The following GPC5 variants were observed in gnomAD, a reference collection of about 807,000 sequenced individuals.
GPC5 encodes the protein glypican-5.
A neutral mutation model predicts 53.9 loss-of-function variants in GPC5; 47 were observed. That is an observed-to-expected ratio of 0.87 (90% CI 0.69 to 1.11). The LOEUF is 1.11. Among genes scored for constraint, GPC5 ranks in the 50% most tolerant of loss-of-function variants. The pLI, the probability that GPC5 is intolerant of heterozygous loss-of-function variation, is 0.00. For synonymous variants in GPC5, 286 were observed against 263.3 expected (o/e 1.09, Z -0.84); for missense variants, 748 against 713.1 (o/e 1.05, Z -0.56).
At chr13:92,388,387 G>A (rs1874841177) in intron 7 of GPC5, among the ~76,000 whole-genome samples, 1 of 151,968 alleles carries the variant, frequency 6.6e-6, no homozygotes, top group South Asian at 2.1e-4. Context: ...CATTTAACTG[G>A]AAAGATAGAC....
chr13:92,846,364 T>C (rs1878611997), intron 7 of GPC5, among the ~76,000 whole-genome samples: 1 of 152,186 alleles, frequency 6.6e-6, no homozygotes, highest in South Asian at 2.1e-4. Context: ...AGCCAAACTA[T>C]ATAATCATAT....
intron 6 of GPC5, among the ~76,000 whole-genome samples, chr13:92,038,780 G>A (rs780069822): frequency 1.3e-5 from 2 of 151,904 alleles, no homozygotes; most frequent in Non-Finnish European, 2.9e-5. Flanking sequence ...GAAAAAGAAT[G>A]GGTTACCAAA....
At chr13:91,430,244 C>G (rs1274254055) in intron 1 of GPC5, among the ~76,000 whole-genome samples, 2 of 152,076 alleles carry the variant, frequency 1.3e-5, no homozygotes, top group Non-Finnish European at 2.9e-5. Context: ...TAAGGAGATG[C>G]CATGAGATTT....
At chr13:92,016,072 CAAT>C (rs66650001) in intron 6 of GPC5, among the ~76,000 whole-genome samples, 59,863 of 151,762 alleles carry the variant, frequency 0.39, 13,738 homozygotes, top group East Asian at 0.75. Context: ...TCTGCAGTGG[CAAT>C]AATTAGTACA....
At chr13:92,155,801 A>G (rs1367180349) in intron 7 of GPC5, among the ~76,000 whole-genome samples, 1 of 151,980 alleles carries the variant, frequency 6.6e-6, no homozygotes, top group Non-Finnish European at 1.5e-5. Flanking sequence ...TTCTAATTCT[A>G]GTTTATTTCT....
chr13:91,571,209 G>A (rs969418704), intron 2 of GPC5, among the ~76,000 whole-genome samples: 6 of 152,072 alleles, frequency 3.9e-5, no homozygotes, highest in African/African-American at 1.4e-4. Context: ...TAATTTGTAT[G>A]CAAGTATAAG....
At chr13:91,879,083 G>C (rs2039236544) in intron 5 of GPC5, among the ~76,000 whole-genome samples, 1 of 151,572 alleles carries the variant, frequency 6.6e-6, no homozygotes, top group South Asian at 2.1e-4. Context: ...TATAACTGAA[G>C]TATTAGTTTT....
intron 7 of GPC5, among the ~76,000 whole-genome samples, chr13:92,206,205 G>T (rs1233206287): frequency 7.6e-6 from 1 of 132,434 alleles, no homozygotes; most frequent in Non-Finnish European, 1.6e-5. Context: ...TCGGTCTGTC[G>T]CCCAGGCTGG....
chr13:91,977,351 A>T (rs1033914247), intron 6 of GPC5, among the ~76,000 whole-genome samples: 1 of 152,208 alleles, frequency 6.6e-6, no homozygotes, highest in African/African-American at 2.4e-5. Flanking sequence ...AACACTAAAT[A>T]TTCCTTAATG....
chr13:92,646,574 T>A (rs1230874800), intron 7 of GPC5, among the ~76,000 whole-genome samples: 1 of 152,142 alleles, frequency 6.6e-6, no homozygotes, highest in East Asian at 1.9e-4. Context: ...TTGATAGGGA[T>A]TGAATTGAAT....
intron 7 of GPC5, among the ~76,000 whole-genome samples, chr13:92,596,988 C>A (rs1251528597): frequency 6.6e-6 from 1 of 152,130 alleles, no homozygotes; most frequent in East Asian, 1.9e-4. Flanking sequence ...TACGGAGAGA[C>A]AAGTTCTTCC....
chr13:92,866,211 T>TA, intron 7 of GPC5, 71 bp from the exon 8 acceptor site: 3 of 1,357,122 alleles, frequency 2.2e-6, no homozygotes, highest in Non-Finnish European at 3.0e-6. Context: ...ACTTTGAGTT[T>TA]AAGAGTTGTT....
chr13:91,423,349 C>G (rs1878776787), intron 1 of GPC5, among the ~76,000 whole-genome samples: 1 of 151,916 alleles, frequency 6.6e-6, no homozygotes, highest in African/African-American at 2.4e-5. Context: ...TTGGTAAAAT[C>G]TTTGAATTTA....
intron 7 of GPC5, among the ~76,000 whole-genome samples, chr13:92,838,018 C>T (rs1339642162): frequency 6.6e-6 from 1 of 151,818 alleles, no homozygotes; most frequent in Non-Finnish European, 1.5e-5. Flanking sequence ...CTGCTGGAAC[C>T]TGGAAGCCAA....
chr13:91,623,996 T>C (rs1041519027), intron 2 of GPC5, among the ~76,000 whole-genome samples: 4 of 151,758 alleles, frequency 2.6e-5, no homozygotes, highest in African/African-American at 7.3e-5. Flanking sequence ...TAAAACAGAA[T>C]GAAAAAGTAG....
chr13:91,470,896 G>A (rs970411206), intron 2 of GPC5, among the ~76,000 whole-genome samples: 5 of 152,000 alleles, frequency 3.3e-5, no homozygotes, highest in African/African-American at 9.7e-5. Context: ...TGGCTCAATG[G>A]TCCTTTCAGA....
intron 2 of GPC5, among the ~76,000 whole-genome samples, chr13:91,524,482 C>A (rs1003129281): frequency 1.1e-4 from 16 of 152,064 alleles, no homozygotes; most frequent in African/African-American, 3.9e-4. Context: ...CCACTGCCTA[C>A]TACCAGACTA....
chr13:92,426,234 G>T (rs952374145), intron 7 of GPC5, among the ~76,000 whole-genome samples: 1 of 151,982 alleles, frequency 6.6e-6, no homozygotes, highest in Admixed American at 6.6e-5. Flanking sequence ...GTGTATAGGT[G>T]GGACAGAGCA....
chr13:92,660,464 TAA>T (rs892844916), intron 7 of GPC5, among the ~76,000 whole-genome samples: 92 of 151,218 alleles, frequency 6.1e-4, no homozygotes, highest in African/African-American at 2.0e-3. Flanking sequence ...TGTATATATA[TAA>T]ATATATACAC....
Sources: allele counts gnomAD v4.1 joint callset (sites outside exome capture counted in the v4.1 genomes callset), GRCh38; gene constraint gnomAD v4.1.1; transcripts MANE v1.5; gene names NCBI Gene and HGNC (gene_info 2026-07-23, HGNC 2026-07-21).